Variants in SEMA3D observed in about 807,000 individuals in gnomAD.
SEMA3D encodes the protein semaphorin-3D.
SEMA3D carries 84 observed loss-of-function variants against 100.1 expected under a neutral mutation model. The observed-to-expected ratio is 0.84, with a 90% CI of 0.70 to 1.01. The LOEUF is 1.01. Ranked by LOEUF, SEMA3D falls within the 50% of genes least tolerant of loss-of-function variation. The probability of loss-of-function intolerance (pLI) is 0.00; values close to 1 mark genes in which losing one functional copy is unlikely to be tolerated. For missense variants in SEMA3D, 875 were observed against 934.1 expected (o/e 0.94, Z 0.82); for synonymous variants, 312 against 320.7 (o/e 0.97, Z 0.29).
chr7:85,097,804 CCTT>C lies in SEMA3D; in HGVS notation c.310_312del (p.Lys104del). The C allele has an allele frequency of 6.4e-7, 1 of 1,562,298 alleles. No individual in the cohort carries two copies. The highest frequency in any genetic ancestry group is 1.1e-5 in the South Asian group (1 of 87,430). On this transcript the variant is annotated inframe_deletion and splice_region_variant, in exon 4 of 19. Coordinates refer to ENST00000284136, the MANE Select transcript of SEMA3D (RefSeq NM_001384900.1). ...CCAAATGTATATATAAATATACTGA[CCTT>C]CTTAAAATTTTTGTTTAAGTCAACC...
intron 11 of SEMA3D, among the ~76,000 whole-genome samples, chr7:85,039,788 G>C (rs917856825): frequency 6.6e-6 from 1 of 151,982 alleles, no homozygotes; most frequent in Non-Finnish European, 1.5e-5. Context: ...TGTCTTTGTA[G>C]GGTAACTGGG....
intron 3 of SEMA3D, 57 bp from the exon 4 acceptor site, chr7:85,098,022 A>G: frequency 1.0e-6 from 1 of 987,010 alleles, no homozygotes; most frequent in Non-Finnish European, 1.4e-6. Flanking sequence ...AAAGAAAGAG[A>G]AAGAAAGGAG....
At chr7:85,213,972 C>T in the SEMA3D span, among the ~76,000 whole-genome samples, 1 of 152,118 alleles carries the variant, frequency 6.6e-6, no homozygotes, top group Admixed American at 6.6e-5. Flanking sequence ...ACATGTGCAT[C>T]TATGTAAAAA....
intron 3 of SEMA3D, among the ~76,000 whole-genome samples, chr7:85,114,728 G>A (rs537738104): frequency 2.5e-4 from 38 of 152,146 alleles, no homozygotes; most frequent in African/African-American, 5.8e-4. Flanking sequence ...AGCTTTTTGC[G>A]TTTAATCCAA....
At chr7:85,117,796 GTATGTATGTATGTATC>G (rs1254265304) in intron 3 of SEMA3D, among the ~76,000 whole-genome samples, 54 of 148,736 alleles carry the variant, frequency 3.6e-4, no homozygotes, top group Middle Eastern at 3.3e-3. Flanking sequence ...ATGTATGTAT[GTATGTATGTATGTATC>G]TATCTACCAT....
intron 9 of SEMA3D, among the ~76,000 whole-genome samples, chr7:85,055,254 C>T (rs1413116976): frequency 6.6e-6 from 1 of 151,956 alleles, no homozygotes; most frequent in Non-Finnish European, 1.5e-5. Context: ...GCTTAAATTA[C>T]TCTAGGGATT....
At chr7:85,066,913 CAGAG>C (rs201123647) in intron 7 of SEMA3D, among the ~76,000 whole-genome samples, 159 of 127,714 alleles carry the variant, frequency 1.2e-3, no homozygotes, top group Middle Eastern at 3.8e-3. Flanking sequence ...CACACACACA[CAGAG>C]AGAGAGAGAG....
At chr7:85,053,967 C>T (rs374864304) in intron 9 of SEMA3D, among the ~76,000 whole-genome samples, 45 of 151,596 alleles carry the variant, frequency 3.0e-4, no homozygotes, top group African/African-American at 8.7e-4. Context: ...AACTCATTTA[C>T]GACAATTTTC....
At chr7:85,239,406 C>G in the SEMA3D span, among the ~76,000 whole-genome samples, 33 of 152,294 alleles carry the variant, frequency 2.2e-4, no homozygotes, top group African/African-American at 7.7e-4. Context: ...CAGACAGTAG[C>G]CTTTAACTGA....
chr7:85,219,713 T>A, the SEMA3D span, among the ~76,000 whole-genome samples: 1 of 152,070 alleles, frequency 6.6e-6, no homozygotes. Flanking sequence ...AAATATATGC[T>A]TGCCATTGAA....
intron 1 of SEMA3D, among the ~76,000 whole-genome samples, chr7:85,168,004 T>C (rs1790958428): frequency 6.6e-6 from 1 of 151,920 alleles, no homozygotes. Context: ...AGGGGTACTC[T>C]ATACTGTTCC....
intron 1 of SEMA3D, among the ~76,000 whole-genome samples, chr7:85,183,244 C>A (rs1012973431): frequency 2.0e-4 from 30 of 152,138 alleles, no homozygotes; most frequent in Admixed American, 2.0e-3. Flanking sequence ...TCAGAGACAC[C>A]TCTGGTTTAT....
At chr7:85,077,524 G>A (rs909304280) in intron 5 of SEMA3D, among the ~76,000 whole-genome samples, 6 of 151,894 alleles carry the variant, frequency 4.0e-5, no homozygotes, top group South Asian at 4.2e-4. Flanking sequence ...AATATGGGCC[G>A]CAGGGATATG....
chr7:85,122,428 A>G (rs1368762239), intron 2 of SEMA3D, among the ~76,000 whole-genome samples: 1 of 152,162 alleles, frequency 6.6e-6, no homozygotes, highest in Non-Finnish European at 1.5e-5. Flanking sequence ...CACCACAAGA[A>G]TTTAAACTAT....
At chr7:85,017,657 CAG>C (rs1374448119) in intron 15 of SEMA3D, among the ~76,000 whole-genome samples, 2 of 151,628 alleles carry the variant, frequency 1.3e-5, no homozygotes, top group African/African-American at 4.8e-5. Context: ...AATATCATAT[CAG>C]AGAGTTATGA....
At chr7:85,152,385 T>A (rs574528460) in intron 2 of SEMA3D, among the ~76,000 whole-genome samples, 1 of 152,126 alleles carries the variant, frequency 6.6e-6, no homozygotes. Flanking sequence ...TCAAAAGACA[T>A]CATTGTTCTT....
chr7:85,176,606 G>A (rs1306930967), intron 1 of SEMA3D, among the ~76,000 whole-genome samples: 20 of 151,696 alleles, frequency 1.3e-4, no homozygotes, highest in Admixed American at 6.6e-5. Context: ...GTATGACTTT[G>A]GTATATATAA....
At position 85,066,913 on chromosome 7, in the gene SEMA3D, C is replaced by CATACACACACAGAGAGAGAG; in HGVS notation, c.589+1277_589+1278insCTCTCTCTCTGTGTGTGTAT. ...GCGCTCACACACACACACACACACA[C>CATACACACACAGAGAGAGAG]AGAGAGAGAGAGAGAGAGAGAGAGA... On this transcript the variant is annotated intron_variant, in intron 7 of 18. Coordinates refer to ENST00000284136, the MANE Select transcript of SEMA3D (RefSeq NM_001384900.1). 1.3e-3 allele frequency among the ~76,000 whole-genome samples: 169 copies of CATACACACACAGAGAGAGAG among 127,806 alleles called. 3 individuals are homozygous for CATACACACACAGAGAGAGAG. The highest frequency in any genetic ancestry group is 4.4e-3 in the African/African-American group (139 of 31,744). 83.8% of individuals were successfully genotyped at this position (127,806 alleles called of 152,430 possible).
At chr7:85,134,648 C>T (rs898783942) in intron 2 of SEMA3D, among the ~76,000 whole-genome samples, 92 of 152,080 alleles carry the variant, frequency 6.0e-4, no homozygotes, top group African/African-American at 1.9e-3. Context: ...ACATTTACCA[C>T]GGTATCCCCA....
Sources: gnomAD v4.1 joint callset for allele counts (sites outside exome capture counted in the v4.1 genomes callset) on GRCh38, gnomAD v4.1.1 for gene constraint, MANE v1.5 for transcripts, NCBI Gene and HGNC (gene_info 2026-07-23, HGNC 2026-07-21) for gene names.